LRMDA: variants seen among roughly 807,000 people sequenced by gnomAD.
LRMDA encodes leucine rich melanocyte differentiation associated.
In LRMDA, 18 loss-of-function variants were observed where a neutral mutation model predicts 29.8. That is an observed-to-expected ratio of 0.60 (90% confidence interval 0.42 to 0.90). LRMDA has a LOEUF of 0.90. LRMDA is among the 40% of genes least tolerant of loss of function. The pLI is 0.00. For missense variants in LRMDA, 273 were observed against 273.9 expected, an observed-to-expected ratio of 1.00 and a Z score of 0.02; for synonymous variants, 125 against 109.4, an observed-to-expected ratio of 1.14 and a Z score of -0.89.
intron 2 of LRMDA, among the ~76,000 whole-genome samples, chr10:75,785,112 T>G (rs1427940578): frequency 6.6e-6 from 1 of 152,108 alleles, no homozygotes; most frequent in African/African-American, 2.4e-5. Flanking sequence ...TTCCTGGAGA[T>G]TATTGGAGAT....
chr10:75,881,339 G>A (rs1845289689), intron 2 of LRMDA, among the ~76,000 whole-genome samples: 1 of 152,122 alleles, frequency 6.6e-6, no homozygotes, highest in Non-Finnish European at 1.5e-5. Flanking sequence ...AGTCACAATA[G>A]GGATAATGAG....
chr10:75,466,874 C>T (rs1844657324), intron 2 of LRMDA, among the ~76,000 whole-genome samples: 1 of 152,052 alleles, frequency 6.6e-6, no homozygotes, highest in East Asian at 1.9e-4. Context: ...ATAAATCTTT[C>T]TGAAAAGGAA....
chr10:76,391,211 C>G (rs567938973), intron 6 of LRMDA, among the ~76,000 whole-genome samples: 3 of 152,284 alleles, frequency 2.0e-5, no homozygotes, highest in East Asian at 3.9e-4. Flanking sequence ...CTTCCTCTTT[C>G]TGTATAGCAA....
intron 2 of LRMDA, among the ~76,000 whole-genome samples, chr10:75,938,186 G>A (rs1412817384): frequency 1.3e-5 from 2 of 152,132 alleles, no homozygotes; most frequent in East Asian, 3.9e-4. Context: ...TTTAGCCAAG[G>A]GTTCAAGAAG....
intron 2 of LRMDA, among the ~76,000 whole-genome samples, chr10:75,653,659 G>A (rs958918665): frequency 2.6e-5 from 4 of 152,144 alleles, no homozygotes; most frequent in Non-Finnish European, 5.9e-5. Flanking sequence ...CGTATGCTTC[G>A]CTAAAGAGCC....
intron 5 of LRMDA, among the ~76,000 whole-genome samples, chr10:76,280,054 C>T (rs1840183562): frequency 6.6e-6 from 1 of 152,130 alleles, no homozygotes; most frequent in Non-Finnish European, 1.5e-5. Flanking sequence ...TAGGCAATGT[C>T]TTCACATTTA....
At chr10:75,888,346 A>G (rs1333165340) in intron 2 of LRMDA, among the ~76,000 whole-genome samples, 1 of 152,220 alleles carries the variant, frequency 6.6e-6, no homozygotes. Context: ...TGGCATTTAC[A>G]CGTTCAGGTA....
intron 4 of LRMDA, among the ~76,000 whole-genome samples, chr10:76,054,339 G>A (rs866299450): frequency 6.6e-6 from 1 of 152,080 alleles, no homozygotes; most frequent in Non-Finnish European, 1.5e-5. Flanking sequence ...CTGGCAGCCT[G>A]TGTCATGGGC....
At chr10:75,675,421 T>G (rs1841947713) in intron 2 of LRMDA, among the ~76,000 whole-genome samples, 1 of 152,252 alleles carries the variant, frequency 6.6e-6, no homozygotes, top group African/African-American at 2.4e-5. Context: ...GTGGGCAGGA[T>G]GGACCTGAGA....
intron 2 of LRMDA, among the ~76,000 whole-genome samples, chr10:75,900,383 C>T (rs1322341104): frequency 1.3e-5 from 2 of 152,170 alleles, no homozygotes; most frequent in Non-Finnish European, 2.9e-5. Context: ...AGTTAAATTA[C>T]AGGCTGGGAA....
chr10:75,644,841 T>C (rs1286882848), intron 2 of LRMDA, among the ~76,000 whole-genome samples: 1 of 152,204 alleles, frequency 6.6e-6, no homozygotes, highest in East Asian at 1.9e-4. Context: ...ACTTCACTTC[T>C]GCAGAATTCC....
At chr10:76,554,074 C>T (rs1234349860) in intron 6 of LRMDA, among the ~76,000 whole-genome samples, 1 of 152,164 alleles carries the variant, frequency 6.6e-6, no homozygotes, top group Non-Finnish European at 1.5e-5. Flanking sequence ...CCTTAGGCCC[C>T]TTGACCCCAC....
chr10:76,543,250 C>T (rs1051083324), intron 6 of LRMDA, among the ~76,000 whole-genome samples: 1 of 151,588 alleles, frequency 6.6e-6, no homozygotes, highest in African/African-American at 2.4e-5. Flanking sequence ...TTTTATTATA[C>T]ATTAGGTAAA....
chr10:76,023,163 T>C (rs1038861737), intron 2 of LRMDA, among the ~76,000 whole-genome samples: 2 of 152,098 alleles, frequency 1.3e-5, no homozygotes, highest in Non-Finnish European at 2.9e-5. Context: ...CATTATGGCT[T>C]CTTATCTTGG....
At chr10:75,832,503 GTCT>G (rs1438590296) in intron 2 of LRMDA, among the ~76,000 whole-genome samples, 3 of 152,114 alleles carry the variant, frequency 2.0e-5, no homozygotes, top group South Asian at 4.1e-4. Context: ...ATATTTTCCT[GTCT>G]TCTTCTGAGC....
At position 75,563,803 on chromosome 10, in the gene LRMDA, C is replaced by G. The variant is rs1382222131; in HGVS notation, c.131+125309C>G. On this transcript the variant is annotated intron_variant, in intron 2 of 6. Transcript: ENST00000611255. ...AGTTTGCTAGAGATCCACTCCAGAC[C>G]CTGTTTTCCTGGGTATCAGCAGCGG... Among the ~76,000 whole-genome samples the G allele has an allele frequency of 5.3e-5, 8 of 152,216 alleles. No homozygotes were observed. The South Asian group carries it at 6.2e-4, about 12-fold the overall frequency.
intron 2 of LRMDA, among the ~76,000 whole-genome samples, chr10:75,678,175 C>T (rs946656883): frequency 3.3e-5 from 5 of 152,142 alleles, no homozygotes; most frequent in African/African-American, 2.4e-5. Context: ...TAAACATATA[C>T]ATATACACAC....
chr10:76,004,726 A>ATTT lies in LRMDA; in HGVS notation c.132-31265_132-31263dup, dbSNP rs926291826. Reference sequence around the variant, plus strand: ...GCAGGAGGTATGTCCTTTTCTTTTAATTTTTTTTTTTTTTTTTTTGAGACG... The same window carrying ATTT: ...GCAGGAGGTATGTCCTTTTCTTTTAATTTTTTTTTTTTTTTTTTTTTTGAGACG... On this transcript the variant is annotated intron_variant, in intron 2 of 6. Transcript: ENST00000611255. Among the ~76,000 whole-genome samples the ATTT allele has an allele frequency of 1.4e-3, 181 of 134,016 alleles. 2 individuals are homozygous for ATTT. The highest frequency in any genetic ancestry group is 4.8e-3 in the African/African-American group (171 of 35,496). The allele number at this position is 134,016 out of a possible 152,430, so 87.9% of individuals were successfully genotyped here.
intron 2 of LRMDA, among the ~76,000 whole-genome samples, chr10:75,622,645 T>G (rs1364275515): frequency 6.6e-6 from 1 of 152,158 alleles, no homozygotes; most frequent in Non-Finnish European, 1.5e-5. Flanking sequence ...TTAAACTCTA[T>G]GTGACATTTA....
Sources: allele counts gnomAD v4.1 joint callset (sites outside exome capture counted in the v4.1 genomes callset), GRCh38; gene constraint gnomAD v4.1.1; transcripts MANE v1.5; gene names NCBI Gene and HGNC (gene_info 2026-07-23, HGNC 2026-07-21).